GABRG3: variants seen among roughly 807,000 people sequenced by gnomAD.
GABRG3 encodes the protein gamma-aminobutyric acid type A receptor subunit gamma3.
A neutral mutation model predicts 48.8 loss-of-function variants in GABRG3; 25 were observed. That is an observed-to-expected ratio of 0.51 (90% CI 0.37 to 0.72). GABRG3 has a LOEUF of 0.72. GABRG3 is among the 30% of genes least tolerant of loss of function. The pLI is 0.00. For synonymous variants in GABRG3, 227 were observed against 217.6 expected, an observed-to-expected ratio of 1.04 and a Z score of -0.38; for missense variants, 394 against 577.9, an observed-to-expected ratio of 0.68 and a Z score of 3.26.
At chr15:27,441,520 A>T (rs1888782868) in intron 5 of GABRG3, among the ~76,000 whole-genome samples, 2 of 152,182 alleles carry the variant, frequency 1.3e-5, no homozygotes, top group African/African-American at 2.4e-5. Context: ...TAGTCCCAAG[A>T]GGAGCATGAT....
chr15:27,394,543 G>A (rs1019510512), intron 5 of GABRG3, among the ~76,000 whole-genome samples: 2 of 151,962 alleles, frequency 1.3e-5, no homozygotes, highest in Admixed American at 1.3e-4. Flanking sequence ...ATTTACCAGG[G>A]TTCTTTATTT....
intron 3 of GABRG3, among the ~76,000 whole-genome samples, chr15:27,210,507 C>T (rs1040027753): frequency 1.2e-4 from 18 of 152,200 alleles, no homozygotes; most frequent in South Asian, 4.1e-4. Context: ...TGCACACACG[C>T]GTGCTCACAT....
At chr15:27,066,808 G>A (rs913146034) in intron 3 of GABRG3, among the ~76,000 whole-genome samples, 2 of 152,122 alleles carry the variant, frequency 1.3e-5, no homozygotes, top group East Asian at 1.9e-4. Context: ...ATTTTATCCC[G>A]TTAAATCCTT....
At chr15:27,344,967 A>C (rs908947643) in intron 5 of GABRG3, among the ~76,000 whole-genome samples, 7 of 152,264 alleles carry the variant, frequency 4.6e-5, no homozygotes, top group African/African-American at 1.7e-4. Context: ...ATTCTTGACA[A>C]ACCTCCTTGT....
intron 5 of GABRG3, among the ~76,000 whole-genome samples, chr15:27,438,021 A>G (rs1888670618): frequency 6.6e-6 from 1 of 152,196 alleles, no homozygotes; most frequent in Admixed American, 6.5e-5. Flanking sequence ...CCATCCCACA[A>G]CCCAAACGCC....
chr15:27,274,803 T>A (rs1891203153), intron 3 of GABRG3, among the ~76,000 whole-genome samples: 1 of 152,216 alleles, frequency 6.6e-6, no homozygotes, highest in African/African-American at 2.4e-5. Flanking sequence ...ACAATTATTA[T>A]ATCATCCTAC....
chr15:27,255,218 C>T (rs908553756), intron 3 of GABRG3, among the ~76,000 whole-genome samples: 3 of 152,204 alleles, frequency 2.0e-5, no homozygotes, highest in Non-Finnish European at 2.9e-5. Context: ...GTGGCGGGAG[C>T]AGGAGCCTGT....
At chr15:26,984,184 G>A (rs980504062) in intron 2 of GABRG3, among the ~76,000 whole-genome samples, 19 of 152,106 alleles carry the variant, frequency 1.2e-4, no homozygotes, top group African/African-American at 4.6e-4. Context: ...CTACAGCATT[G>A]TTGTGTACTT....
intron 3 of GABRG3, among the ~76,000 whole-genome samples, chr15:27,099,594 T>A (rs960883008): frequency 1.3e-5 from 2 of 152,142 alleles, no homozygotes. Flanking sequence ...GCCTAGGACT[T>A]TAACATTCGA....
At chr15:27,389,255 A>G (rs928668641) in intron 5 of GABRG3, among the ~76,000 whole-genome samples, 3 of 152,232 alleles carry the variant, frequency 2.0e-5, no homozygotes, top group South Asian at 4.1e-4. Context: ...ATGTTAAACT[A>G]TGAGATTAGC....
chr15:27,206,081 C>T (rs952444326), intron 3 of GABRG3, among the ~76,000 whole-genome samples: 10 of 151,860 alleles, frequency 6.6e-5, no homozygotes, highest in Non-Finnish European at 1.3e-4. Flanking sequence ...TCGTTATTTC[C>T]TTTCTTCTGC....
At chr15:27,273,728 C>T (rs1380397709) in intron 3 of GABRG3, among the ~76,000 whole-genome samples, 2 of 152,150 alleles carry the variant, frequency 1.3e-5, no homozygotes, top group Non-Finnish European at 2.9e-5. Flanking sequence ...TTCATAGTAT[C>T]AGTATAATAC....
chr15:27,313,014 A>G (rs1215162399), intron 3 of GABRG3, among the ~76,000 whole-genome samples: 1 of 149,762 alleles, frequency 6.7e-6, no homozygotes, highest in Non-Finnish European at 1.5e-5. Flanking sequence ...AAAGACATAC[A>G]TAGGCTGAGA....
intron 6 of GABRG3, among the ~76,000 whole-genome samples, chr15:27,492,146 C>A (rs560884950): frequency 6.6e-6 from 1 of 152,270 alleles, no homozygotes; most frequent in Admixed American, 6.5e-5. Context: ...TTATGCTCAA[C>A]TTAGAACAAA....
intron 6 of GABRG3, among the ~76,000 whole-genome samples, chr15:27,484,148 C>G (rs189315727): frequency 6.6e-6 from 1 of 152,238 alleles, no homozygotes; most frequent in East Asian, 1.9e-4. Flanking sequence ...GTTGGCCAGG[C>G]TGGTCTCGAA....
At chr15:27,196,000 C>T (rs186045425) in intron 3 of GABRG3, among the ~76,000 whole-genome samples, 1 of 152,258 alleles carries the variant, frequency 6.6e-6, no homozygotes, top group Non-Finnish European at 1.5e-5. Context: ...TATTATGAGA[C>T]TCTGGATTCT....
At chr15:27,354,940 A>T (rs1330844250) in intron 5 of GABRG3, among the ~76,000 whole-genome samples, 2 of 152,188 alleles carry the variant, frequency 1.3e-5, no homozygotes, top group Non-Finnish European at 2.9e-5. Flanking sequence ...TTCTCTGTTC[A>T]TGCCCAGGAC....
At chr15:27,351,789 G>C (rs1222119958) in intron 5 of GABRG3, among the ~76,000 whole-genome samples, 1 of 149,704 alleles carries the variant, frequency 6.7e-6, no homozygotes, top group African/African-American at 2.5e-5. Context: ...TGTGTGTATG[G>C]TGTCTGTATA....
chr15:27,504,573 A>G (rs1326850419), intron 6 of GABRG3, among the ~76,000 whole-genome samples: 4 of 152,186 alleles, frequency 2.6e-5, no homozygotes, highest in East Asian at 3.9e-4. Context: ...ATCATATTAC[A>G]TAGTTACTAT....
Sources: gnomAD v4.1 joint callset for allele counts (sites outside exome capture counted in the v4.1 genomes callset) on GRCh38, gnomAD v4.1.1 for gene constraint, MANE v1.5 for transcripts, NCBI Gene and HGNC (gene_info 2026-07-23, HGNC 2026-07-21) for gene names.